Variants in IQSEC1 observed in about 807,000 individuals in gnomAD.
IQSEC1 encodes IQ motif and Sec7 domain ArfGEF 1.
Under a neutral mutation model 91.0 loss-of-function variants are expected in IQSEC1, and 31 were observed. The observed-to-expected ratio is 0.34, with a 90% CI of 0.26 to 0.46. IQSEC1 has a LOEUF of 0.46. Among genes scored for constraint, IQSEC1 ranks in the 20% least tolerant of loss-of-function variants. The probability of loss-of-function intolerance (pLI) is 1.00; values close to 1 mark genes in which losing one functional copy is unlikely to be tolerated. For synonymous variants in IQSEC1, 699 were observed against 662.6 expected (o/e 1.05, Z -0.84); for missense variants, 1,388 against 1,575.6 (o/e 0.88, Z 2.02).
intron 1 of IQSEC1, among the ~76,000 whole-genome samples, chr3:13,022,918 G>T (rs187410712): frequency 1.3e-5 from 2 of 152,186 alleles, no homozygotes; most frequent in Non-Finnish European, 2.9e-5. Context: ...AGCCCCCTCC[G>T]GCCTTAGTTT....
chr3:12,901,008 G>C lies in IQSEC1; in HGVS notation c.3320C>G (p.Pro1107Arg). 1 of 1,545,476 alleles carries C rather than the reference G, an allele frequency of 6.5e-7. No individual in the cohort carries two copies. Among genetic ancestry groups the C allele is most frequent in the Non-Finnish European group, 8.7e-7 (1 of 1,146,802 alleles). The change falls in exon 14 of 14, where the codon CCC becomes CGC. Residue 1107 changes from proline (P) to arginine (R), a missense_variant. Around this residue, in one of 2 missense-constraint regions of IQSEC1, gnomAD observed 329 missense variants for 257.8 expected, o/e 1.28. Coordinates refer to ENST00000613206, the MANE Select transcript of IQSEC1 (RefSeq NM_001134382.3). ...PPPPTSSKAK[P>R]SGISTIV The stretch of plus-strand genomic sequence containing the variant: ...CTACACAATTGTGCTGATGCCGCTG[G>C]GTTTGGCCTTGCTGCTGGTGGGGGG...
chr3:12,901,539 T>C lies in IQSEC1; in HGVS notation c.2806-17A>G. 1 of 1,536,984 alleles carries C rather than the reference T, an allele frequency of 6.5e-7. No individual in the cohort carries two copies. Among genetic ancestry groups the C allele is most frequent in the Non-Finnish European group, 8.8e-7 (1 of 1,141,520 alleles). ...GATGGACCCCTAAAAAGGAAATTCA[T>C]AGAAATCAAAATTAAAAGATCTTCA... On this transcript the variant is annotated splice_polypyrimidine_tract_variant and intron_variant, in intron 13 of 13. Transcript: ENST00000613206.
chr3:13,267,240 G>C (rs357159), intron 1 of IQSEC1, among the ~76,000 whole-genome samples: 50,035 of 152,076 alleles, frequency 0.33, 9,500 homozygotes, highest in South Asian at 0.43. Flanking sequence ...GCCCTTGAAA[G>C]ACACTGAACC....
At chr3:13,276,158 G>C (rs1356088344) in intron 1 of IQSEC1, among the ~76,000 whole-genome samples, 1 of 125,772 alleles carries the variant, frequency 8.0e-6, no homozygotes, top group Non-Finnish European at 1.6e-5. Flanking sequence ...GCGTGATCTC[G>C]GCTCACTGCA....
chr3:13,166,567 T>C (rs1238276950), intron 1 of IQSEC1, among the ~76,000 whole-genome samples: 3 of 152,208 alleles, frequency 2.0e-5, no homozygotes, highest in African/African-American at 7.2e-5. Flanking sequence ...AGTTTCCTCA[T>C]TTGCGGATTA....
chr3:12,899,377 CG>C lies in IQSEC1; in HGVS notation c.*1605del. 6.2e-7 allele frequency: 1 copy of C among 1,612,728 alleles called. No individual in the cohort carries two copies. Among genetic ancestry groups the C allele is most frequent in the South Asian group, 1.1e-5 (1 of 91,000 alleles). On this transcript the variant is annotated 3_prime_UTR_variant, in exon 14 of 14. Transcript: ENST00000613206. ...TGGGCAGGCGCCGGGGGGCAGTCCT[CG>C]GGTCCCATGGCTTAGGAGCACAGCA...
chr3:13,141,949 G>GGCA (rs1163537240), intron 2 of IQSEC1, among the ~76,000 whole-genome samples: 16 of 152,236 alleles, frequency 1.1e-4, no homozygotes, highest in African/African-American at 3.1e-4. Flanking sequence ...GGAGATTTTC[G>GGCA]GCAGCAGCAG....
chr3:13,194,170 C>A (rs952457912), intron 1 of IQSEC1, among the ~76,000 whole-genome samples: 3 of 152,074 alleles, frequency 2.0e-5, no homozygotes, highest in South Asian at 4.1e-4. Context: ...CTCCTCATCC[C>A]GTTCTAAGGT....
At chr3:12,910,038 T>A (rs1340047887) in intron 10 of IQSEC1, among the ~76,000 whole-genome samples, 1 of 152,190 alleles carries the variant, frequency 6.6e-6, no homozygotes, top group Non-Finnish European at 1.5e-5. Flanking sequence ...TGCAGAGTGC[T>A]CCTGTGTGCA....
intron 2 of IQSEC1, among the ~76,000 whole-genome samples, chr3:13,146,039 G>C (rs1706890735): frequency 6.6e-6 from 1 of 152,162 alleles, no homozygotes; most frequent in Non-Finnish European, 1.5e-5. Flanking sequence ...TCAGGCTGGA[G>C]TGCAGTGGTG....
intron 1 of IQSEC1, among the ~76,000 whole-genome samples, chr3:13,189,385 CAAGCTAAT>C (rs113390399): frequency 0.1 from 15,413 of 152,174 alleles, 912 homozygotes; most frequent in East Asian, 0.3. Context: ...GGTCCTGCTC[CAAGCTAAT>C]AAGCCAACAC....
intron 2 of IQSEC1, among the ~76,000 whole-genome samples, chr3:13,154,464 T>TATATATACACACATAC (rs1707054161): frequency 1.7e-5 from 2 of 120,476 alleles, no homozygotes; most frequent in African/African-American, 3.2e-5. Flanking sequence ...TATATATATA[T>TATATATACACACATAC]ATATATATAT....
chr3:12,954,412 T>C (rs1466835050), intron 1 of IQSEC1, among the ~76,000 whole-genome samples: 1 of 151,778 alleles, frequency 6.6e-6, no homozygotes, highest in African/African-American at 2.4e-5. Flanking sequence ...TCAATGGCAG[T>C]GTGGAGCCCA....
At chr3:13,227,282 A>C (rs1285995104) in intron 1 of IQSEC1, among the ~76,000 whole-genome samples, 2 of 146,606 alleles carry the variant, frequency 1.4e-5, no homozygotes, top group African/African-American at 5.0e-5. Flanking sequence ...AGGCTGAGGC[A>C]GGAGAATTAC....
chr3:13,006,101 C>CG (rs1702623967), intron 1 of IQSEC1, among the ~76,000 whole-genome samples: 1 of 152,218 alleles, frequency 6.6e-6, no homozygotes, highest in Non-Finnish European at 1.5e-5. Flanking sequence ...CCTAATGATA[C>CG]ATATCTTGTG....
chr3:13,015,724 A>T (rs1576168544), intron 1 of IQSEC1: 1 of 985,240 alleles, frequency 1.0e-6, no homozygotes, highest in East Asian at 1.1e-4. Flanking sequence ...CCAGGAAACC[A>T]CACCCAGGGG....
chr3:13,232,469 C>G (rs1694854534), intron 1 of IQSEC1, among the ~76,000 whole-genome samples: 1 of 152,186 alleles, frequency 6.6e-6, no homozygotes, highest in African/African-American at 2.4e-5. Context: ...GAGGCGTCAT[C>G]TGCATTCCCA....
chr3:12,907,913 G>A (rs1001521086), intron 12 of IQSEC1, among the ~76,000 whole-genome samples: 2 of 152,200 alleles, frequency 1.3e-5, no homozygotes, highest in East Asian at 1.9e-4. Flanking sequence ...AAGCAAGACC[G>A]GGGACAGTGG....
intron 9 of IQSEC1, 103 bp downstream of exon 9, chr3:12,913,325 A>AC (rs904033353): frequency 1.5e-6 from 2 of 1,294,542 alleles, no homozygotes; most frequent in African/African-American, 3.0e-5. Context: ...TCCCTTTTGC[A>AC]CCCCCACATG....
Sources: gnomAD v4.1 joint callset for allele counts (sites outside exome capture counted in the v4.1 genomes callset) on GRCh38, gnomAD v4.1.1 for gene constraint, gnomAD v4.1.1 regional missense constraint, MANE v1.5 for transcripts, NCBI Gene and HGNC (gene_info 2026-07-23, HGNC 2026-07-21) for gene names.